Variants in LRP1B observed in about 807,000 individuals in gnomAD.
LRP1B encodes the protein low-density lipoprotein receptor-related protein 1B.
In LRP1B, 217 loss-of-function variants were observed where a neutral mutation model predicts 556.6. The ratio of observed to expected loss-of-function variants is 0.39; its 90% CI spans 0.35 to 0.44. The LOEUF (loss-of-function observed/expected upper bound fraction) is 0.44, where lower values mean the gene tolerates loss of function less well. LRP1B is among the 20% of genes least tolerant of loss of function. The probability of loss-of-function intolerance (pLI) is 1.00; values close to 1 mark genes in which losing one functional copy is unlikely to be tolerated. For synonymous variants in LRP1B, 2,047 were observed against 1,865.8 expected (o/e 1.10, Z -2.50); for missense variants, 5,053 against 5,620.8 (o/e 0.90, Z 3.23).
At chr2:141,179,120 TAATAC>T (rs1200093701) in intron 7 of LRP1B, among the ~76,000 whole-genome samples, 4 of 152,108 alleles carry the variant, frequency 2.6e-5, no homozygotes, top group African/African-American at 7.2e-5. Context: ...TCAAATTAAA[TAATAC>T]AATAATTAAA....
rs1707818101 is a variant in LRP1B, at chr2:142,130,680, A to G, written c.50T>C (p.Ile17Thr). 1 of 1,613,672 alleles carries G rather than the reference A, an allele frequency of 6.2e-7. No homozygotes were observed. Among genetic ancestry groups the G allele is most frequent in the Non-Finnish European group, 8.5e-7 (1 of 1,179,768 alleles). ...GGCTCCCACGGTCAGCACCCTGGCA[A>G]TCGGCAATAATCCCGAGAGAGTGAG... ...ALLTLSGLLP[I>T]ARVLTVGADR... Residue 17 changes from isoleucine (I) to threonine (T), a missense_variant, in exon 1 of 91, where the codon ATT becomes ACT. Transcript: ENST00000389484.
intron 15 of LRP1B, among the ~76,000 whole-genome samples, chr2:141,004,001 C>T (rs10928089): frequency 0.57 from 85,840 of 151,846 alleles, 24,545 homozygotes; most frequent in Admixed American, 0.61. Context: ...GGTATTTTCT[C>T]ATATGTCTTA....
chr2:140,968,878 C>T (rs1251235815), intron 18 of LRP1B, among the ~76,000 whole-genome samples: 1 of 152,196 alleles, frequency 6.6e-6, no homozygotes, highest in East Asian at 1.9e-4. Context: ...ACTTTGATTG[C>T]ACTGTGGTCT....
intron 87 of LRP1B, among the ~76,000 whole-genome samples, chr2:140,243,221 G>T (rs919571176): frequency 2.0e-5 from 3 of 151,068 alleles, no homozygotes; most frequent in Non-Finnish European, 4.5e-5. Context: ...AATCAATATT[G>T]AGCATAGGAA....
At chr2:141,576,337 A>T (rs1280045704) in intron 2 of LRP1B, among the ~76,000 whole-genome samples, 2 of 152,224 alleles carry the variant, frequency 1.3e-5, no homozygotes, top group Non-Finnish European at 1.5e-5. Flanking sequence ...AGTAACACAT[A>T]AGTTTCTGTG....
intron 23 of LRP1B, among the ~76,000 whole-genome samples, chr2:140,900,742 T>G (rs1694080000): frequency 6.6e-6 from 1 of 151,996 alleles, no homozygotes; most frequent in African/African-American, 2.4e-5. Flanking sequence ...AGAAGATATC[T>G]AAGAATATAA....
At chr2:141,037,558 A>G (rs1210201401) in intron 11 of LRP1B, among the ~76,000 whole-genome samples, 4 of 152,070 alleles carry the variant, frequency 2.6e-5, no homozygotes, top group African/African-American at 9.7e-5. Context: ...ATAGGATAGT[A>G]GGCAGGATAG....
chr2:141,826,360 T>A (rs1307210819), intron 1 of LRP1B, among the ~76,000 whole-genome samples: 2 of 140,228 alleles, frequency 1.4e-5, no homozygotes, highest in African/African-American at 5.3e-5. Context: ...AGAAGTTTTT[T>A]TTTTTTTTTT....
intron 1 of LRP1B, among the ~76,000 whole-genome samples, chr2:141,967,975 G>T (rs1701609061): frequency 6.6e-6 from 1 of 151,660 alleles, no homozygotes; most frequent in Admixed American, 6.6e-5. Flanking sequence ...TATTAAATCA[G>T]AAGAACAAAA....
intron 1 of LRP1B, among the ~76,000 whole-genome samples, chr2:142,103,978 G>A (rs991932807): frequency 2.0e-5 from 3 of 152,092 alleles, no homozygotes; most frequent in Non-Finnish European, 4.4e-5. Flanking sequence ...TCATTTACAA[G>A]ATTGTCAGAA....
At chr2:141,995,160 C>A (rs1365360404) in intron 1 of LRP1B, among the ~76,000 whole-genome samples, 1 of 151,966 alleles carries the variant, frequency 6.6e-6, no homozygotes, top group African/African-American at 2.4e-5. Flanking sequence ...TGCATTCAAG[C>A]AACACGAATT....
intron 27 of LRP1B, among the ~76,000 whole-genome samples, chr2:140,862,649 C>T (rs1692832330): frequency 1.3e-5 from 2 of 152,198 alleles, no homozygotes; most frequent in African/African-American, 4.8e-5. Context: ...TTGGCATCAG[C>T]CACCTCCTGA....
chr2:141,144,520 A>G (rs1701734344), intron 7 of LRP1B, among the ~76,000 whole-genome samples: 1 of 152,180 alleles, frequency 6.6e-6, no homozygotes, highest in African/African-American at 2.4e-5. Flanking sequence ...GTTCTAAGTT[A>G]TATCTAAGTT....
chr2:141,261,301 A>G (rs922263090), intron 3 of LRP1B, among the ~76,000 whole-genome samples: 14 of 152,218 alleles, frequency 9.2e-5, no homozygotes, highest in African/African-American at 3.4e-4. Context: ...TCTTACAAGA[A>G]GATAGAGCAG....
intron 12 of LRP1B, 76 bp from the exon 13 acceptor site, chr2:141,015,991 T>G (rs1281570764): frequency 9.1e-7 from 1 of 1,103,174 alleles, no homozygotes; most frequent in Non-Finnish European, 1.4e-6. Flanking sequence ...TCCTCAGATT[T>G]GGCAGTTCCA....
At chr2:141,566,950 A>G (rs1464381859) in intron 2 of LRP1B, among the ~76,000 whole-genome samples, 1 of 152,206 alleles carries the variant, frequency 6.6e-6, no homozygotes, top group Non-Finnish European at 1.5e-5. Flanking sequence ...ATCATTGTTA[A>G]TAATTATAGT....
chr2:141,167,345 C>T (rs994567243), intron 7 of LRP1B: 9 of 151,816 alleles, frequency 5.9e-5, no homozygotes, highest in African/African-American at 2.2e-4. Flanking sequence ...ATATATGTGG[C>T]TGAAGTGGCA....
chr2:141,231,249 T>C (rs973826230), intron 5 of LRP1B, among the ~76,000 whole-genome samples: 2 of 152,234 alleles, frequency 1.3e-5, no homozygotes, highest in Non-Finnish European at 2.9e-5. Flanking sequence ...TTTAGTGGCC[T>C]TTCTTTTGTT....
chr2:140,253,271 T>G, intron 86 of LRP1B, among the ~76,000 whole-genome samples: 1 of 152,186 alleles, frequency 6.6e-6, no homozygotes, highest in Middle Eastern at 3.5e-3. Context: ...GAGTTTTTGA[T>G]TTCTGAGAAG....
Sources: allele counts gnomAD v4.1 joint callset (sites outside exome capture counted in the v4.1 genomes callset), GRCh38; gene constraint gnomAD v4.1.1; transcripts MANE v1.5; gene names NCBI Gene and HGNC (gene_info 2026-07-23, HGNC 2026-07-21).